The following DOCK4 variants were observed in gnomAD, a reference collection of about 807,000 sequenced individuals.
DOCK4 encodes dedicator of cytokinesis protein 4.
Under a neutral mutation model 268.1 loss-of-function variants are expected in DOCK4, and 97 were observed. The ratio of observed to expected loss-of-function variants is 0.36; its 90% CI spans 0.31 to 0.43. DOCK4 has a LOEUF of 0.43. DOCK4 is among the 20% of genes least tolerant of loss of function. DOCK4 has a pLI of 1.00. For synonymous variants in DOCK4, 954 were observed against 887.2 expected (o/e 1.08, Z -1.34); for missense variants, 2,145 against 2,455.7 (o/e 0.87, Z 2.67).
intron 1 of DOCK4, among the ~76,000 whole-genome samples, chr7:112,049,404 C>T (rs925425114): frequency 6.6e-6 from 1 of 150,988 alleles, no homozygotes; most frequent in Non-Finnish European, 1.5e-5. Flanking sequence ...AGTTGATAAG[C>T]GAAGAGAGGA....
intron 1 of DOCK4, among the ~76,000 whole-genome samples, chr7:112,023,858 TC>T (rs1281482531): frequency 5.9e-5 from 9 of 152,242 alleles, no homozygotes; most frequent in Admixed American, 5.9e-4. Flanking sequence ...TAATCTATAT[TC>T]TAGCTCTTTT....
chr7:112,103,719 TAA>T (rs1372304924), intron 1 of DOCK4, among the ~76,000 whole-genome samples: 1 of 152,034 alleles, frequency 6.6e-6, no homozygotes, highest in Non-Finnish European at 1.5e-5. Context: ...CCGTCTTTAC[TAA>T]AAATACAAAA....
chr7:111,738,198 T>C (rs2133411444), intron 49 of DOCK4, among the ~76,000 whole-genome samples: 1 of 152,346 alleles, frequency 6.6e-6, no homozygotes, highest in African/African-American at 2.4e-5. Context: ...CCCAAGCCTC[T>C]GCTCTCAGAA....
At chr7:112,022,393 G>GTCACAA (rs1310716085) in intron 1 of DOCK4, among the ~76,000 whole-genome samples, 1 of 152,182 alleles carries the variant, frequency 6.6e-6, no homozygotes, top group Non-Finnish European at 1.5e-5. Flanking sequence ...GGTGGTACAG[G>GTCACAA]AGAGGGTTCC....
chr7:112,150,344 A>T (rs773407391), intron 1 of DOCK4, among the ~76,000 whole-genome samples: 1 of 152,196 alleles, frequency 6.6e-6, no homozygotes, highest in Non-Finnish European at 1.5e-5. Context: ...TACAGCCTCA[A>T]GTTAATCAAT....
intron 44 of DOCK4, among the ~76,000 whole-genome samples, chr7:111,743,635 G>C (rs1416511028): frequency 2.0e-5 from 3 of 152,080 alleles, no homozygotes; most frequent in South Asian, 2.1e-4. Flanking sequence ...TTGCAAGTTG[G>C]GTTCTCTGGG....
Position 111,865,824 on chromosome 7 carries a change from T to A in DOCK4, c.2280+2160A>T, listed in dbSNP as rs561224916. The stretch of plus-strand genomic sequence containing the variant: ...GCTGGATTTGAGGAAGGAGCAGCCA[T>A]GTGCCAAGGACTGCAAGTGGCCTCT... On this transcript the variant is annotated intron_variant, in intron 22 of 52. Coordinates refer to ENST00000428084, the MANE Select transcript of DOCK4 (RefSeq NM_001363540.2). Among the ~76,000 whole-genome samples the A allele has an allele frequency of 7.2e-5, 11 of 152,334 alleles. No homozygotes were observed. In the South Asian group the frequency reaches 1.9e-3, roughly 26 times the overall value.
rs760745315 is a variant in DOCK4 at position 111,944,884 on chromosome 7, A to G, written c.784-13T>C. On this transcript the variant is annotated splice_polypyrimidine_tract_variant and intron_variant, in intron 9 of 52. Coordinates refer to ENST00000428084, the MANE Select transcript of DOCK4 (RefSeq NM_001363540.2). ...TGCTGCCCAAATCCTACAAACAAAG[A>G]AAGTTTGGTTATTTTGGAAGACATG... The G allele has an allele frequency of 1.9e-6, 3 of 1,613,850 alleles. No individual in the cohort carries two copies. Among genetic ancestry groups the G allele is most frequent in the Admixed American group, 1.7e-5 (1 of 60,010 alleles).
chr7:112,131,478 G>C (rs1386077450), intron 1 of DOCK4, among the ~76,000 whole-genome samples: 2 of 151,958 alleles, frequency 1.3e-5, no homozygotes, highest in African/African-American at 4.8e-5. Context: ...ATAAACCATG[G>C]GCTCCTTAAG....
At chr7:111,777,090 A>T (rs1798492054) in intron 36 of DOCK4, among the ~76,000 whole-genome samples, 1 of 152,196 alleles carries the variant, frequency 6.6e-6, no homozygotes, top group African/African-American at 2.4e-5. Context: ...AAGTGCTGGG[A>T]TTACAGGCAT....
intron 25 of DOCK4, among the ~76,000 whole-genome samples, chr7:111,835,832 A>G (rs1000454403): frequency 1.3e-5 from 2 of 152,198 alleles, no homozygotes; most frequent in African/African-American, 4.8e-5. Flanking sequence ...GGGAGACCCA[A>G]GGATGCTATA....
At chr7:111,844,742 C>A (rs1490498648) in intron 25 of DOCK4, 21 bp downstream of exon 25, 5 of 1,603,866 alleles carry the variant, frequency 3.1e-6, no homozygotes, top group African/African-American at 1.3e-5. Flanking sequence ...GTTCCACGTG[C>A]CATCTGCTCT....
intron 12 of DOCK4, among the ~76,000 whole-genome samples, chr7:111,930,922 T>C (rs1794147838): frequency 6.6e-6 from 1 of 152,022 alleles, no homozygotes; most frequent in African/African-American, 2.4e-5. Flanking sequence ...TTTAAATTAG[T>C]TTTTAGGCTT....
chr7:112,024,142 A>T (rs1371173599), intron 1 of DOCK4, among the ~76,000 whole-genome samples: 1 of 152,222 alleles, frequency 6.6e-6, no homozygotes, highest in East Asian at 1.9e-4. Flanking sequence ...CAATGCTTTC[A>T]ATTTTCACAT....
chr7:111,848,510 C>G (rs1376746096), intron 23 of DOCK4, among the ~76,000 whole-genome samples: 1 of 152,202 alleles, frequency 6.6e-6, no homozygotes, highest in African/African-American at 2.4e-5. Flanking sequence ...TCTTGTTTCA[C>G]AGATGCATTC....
intron 25 of DOCK4, among the ~76,000 whole-genome samples, chr7:111,839,160 T>G (rs1803472251): frequency 6.6e-6 from 1 of 152,218 alleles, no homozygotes; most frequent in Non-Finnish European, 1.5e-5. Context: ...TCAGACTATT[T>G]GATTGTATAG....
rs140883588 is a variant in DOCK4, at chr7:112,018,143, C to CAAAAAAAAAAAAAAAAAAA, written c.38-14031_38-14013dup. 5.3e-4 allele frequency among the ~76,000 whole-genome samples: 11 copies of CAAAAAAAAAAAAAAAAAAA among 20,640 alleles called. 2 individuals carry two copies. Among genetic ancestry groups the CAAAAAAAAAAAAAAAAAAA allele is most frequent in the Non-Finnish European group, 4.8e-4 (6 of 12,462 alleles). The allele number at this position is 20,640 out of a possible 152,430, so 13.5% of individuals were successfully genotyped here. On this transcript the variant is annotated intron_variant, in intron 1 of 52. Coordinates refer to ENST00000428084, the MANE Select transcript of DOCK4 (RefSeq NM_001363540.2). ...TGGGCAACACAGCAAGACTCCAGCT[C>CAAAAAAAAAAAAAAAAAAA]AAAAAAAAAAAAAAAAAAAAAAAAA...
At chr7:111,899,301 A>T (rs1284796599) in intron 15 of DOCK4, among the ~76,000 whole-genome samples, 1 of 152,166 alleles carries the variant, frequency 6.6e-6, no homozygotes, top group Non-Finnish European at 1.5e-5. Context: ...CAAAGCCCCT[A>T]TTCCTTCCAG....
At chr7:112,117,601 C>T (rs245020) in intron 1 of DOCK4, among the ~76,000 whole-genome samples, 1 of 152,186 alleles carries the variant, frequency 6.6e-6, no homozygotes, top group Non-Finnish European at 1.5e-5. Context: ...GAACTCCTGA[C>T]CTCAGGTGAT....
Sources: allele counts gnomAD v4.1 joint callset (sites outside exome capture counted in the v4.1 genomes callset), GRCh38; gene constraint gnomAD v4.1.1; transcripts MANE v1.5; gene names NCBI Gene and HGNC (gene_info 2026-07-23, HGNC 2026-07-21).